FAM174B: variants seen among roughly 807,000 people sequenced by gnomAD.
FAM174B encodes family with sequence similarity 174 member B.
Under a neutral mutation model 10.9 loss-of-function variants are expected in FAM174B, and 12 were observed. The ratio of observed to expected loss-of-function variants is 1.10; its 90% CI spans 0.71 to 1.79. The LOEUF (loss-of-function observed/expected upper bound fraction) is 1.79, where lower values mean the gene tolerates loss of function less well. Ranked by LOEUF, FAM174B falls within the 40% of genes most tolerant of loss-of-function variation. The pLI is 0.00. For missense variants in FAM174B, 266 were observed against 233.3 expected, an observed-to-expected ratio of 1.14 and a Z score of -0.91; for synonymous variants, 132 against 115.8, an observed-to-expected ratio of 1.14 and a Z score of -0.90.
intron 2 of FAM174B, chr15:92,627,458 G>A (rs1035330500): frequency 6.1e-6 from 1 of 163,190 alleles, no homozygotes; most frequent in East Asian, 1.9e-4. Flanking sequence ...CATCATACCA[G>A]ACACAATGTC....
At chr15:92,619,589 C>T (rs1269188157) in intron 2 of FAM174B, 130 bp from the exon 3 acceptor site, 1 of 1,053,836 alleles carries the variant, frequency 9.5e-7, no homozygotes. Flanking sequence ...GCCACAGGAC[C>T]TTTGAGCGTG....
chr15:92,631,376 ATATATTATATATTATATAT>A (rs2050812112), intron 1 of FAM174B, among the ~76,000 whole-genome samples: 3 of 26,676 alleles, frequency 1.1e-4, no homozygotes, highest in East Asian at 1.2e-3. Context: ...ATTATATATA[ATATATTATATATTATATAT>A]TATATTATAT....
At chr15:92,639,026 T>C (rs1201722015) in intron 1 of FAM174B, 2 of 152,276 alleles carry the variant, frequency 1.3e-5, no homozygotes, top group Non-Finnish European at 2.9e-5. Flanking sequence ...GGGCTCCCAT[T>C]ATCAAGGCAA....
At chr15:92,620,291 G>C (rs1406518098) in intron 2 of FAM174B, among the ~76,000 whole-genome samples, 1 of 152,230 alleles carries the variant, frequency 6.6e-6, no homozygotes, top group African/African-American at 2.4e-5. Context: ...AAGGTCAGGA[G>C]ATCGCGACCA....
intron 2 of FAM174B, among the ~76,000 whole-genome samples, chr15:92,624,221 C>A (rs2050738606): frequency 6.6e-6 from 1 of 152,216 alleles, no homozygotes; most frequent in Non-Finnish European, 1.5e-5. Context: ...CTGGGGATGG[C>A]TTCTGATGCT....
chr15:92,623,518 T>C (rs907955607), intron 2 of FAM174B, among the ~76,000 whole-genome samples: 1 of 152,194 alleles, frequency 6.6e-6, no homozygotes, highest in Admixed American at 6.5e-5. Context: ...GACACTGGGT[T>C]ACAACCATCC....
At chr15:92,633,870 A>T (rs1292968671) in intron 1 of FAM174B, among the ~76,000 whole-genome samples, 3 of 152,112 alleles carry the variant, frequency 2.0e-5, no homozygotes, top group South Asian at 2.1e-4. Context: ...ACCCCAGACC[A>T]ATTCCATCTC....
At chr15:92,619,666 T>G in intron 2 of FAM174B, 1 of 610,084 alleles carries the variant, frequency 1.6e-6, no homozygotes, top group South Asian at 2.1e-5. Context: ...CAACTAAGGA[T>G]CCCTCCCCCA....
At chr15:92,635,582 T>TC (rs1448739606) in intron 1 of FAM174B, among the ~76,000 whole-genome samples, 2 of 144,700 alleles carry the variant, frequency 1.4e-5, no homozygotes, top group African/African-American at 5.0e-5. Context: ...TTTCTTTCTT[T>TC]TTTTTTTTTT....
chr15:92,640,260 A>G (rs1567047920), intron 1 of FAM174B, among the ~76,000 whole-genome samples: 1 of 152,174 alleles, frequency 6.6e-6, no homozygotes, highest in Non-Finnish European at 1.5e-5. Context: ...TCTTAAAGTC[A>G]AGGTAAATAG....
At chr15:92,649,109 GCCTGGT>G (rs2050947801) in intron 1 of FAM174B, among the ~76,000 whole-genome samples, 1 of 152,174 alleles carries the variant, frequency 6.6e-6, no homozygotes, top group Non-Finnish European at 1.5e-5. Context: ...CCCTAGATTT[GCCTGGT>G]GTCTCAAGAA....
At chr15:92,646,673 C>A (rs530570854) in intron 1 of FAM174B, among the ~76,000 whole-genome samples, 2 of 152,352 alleles carry the variant, frequency 1.3e-5, no homozygotes, top group African/African-American at 4.8e-5. Context: ...ACAATCTATT[C>A]TCTCCAAAGC....
chr15:92,640,551 C>CAAAA (rs60865026), intron 1 of FAM174B, among the ~76,000 whole-genome samples: 5 of 67,720 alleles, frequency 7.4e-5, no homozygotes, highest in African/African-American at 2.3e-4. Context: ...GACTCCATCT[C>CAAAA]AAAAAAAAAA....
chr15:92,640,551 C>CAAAAAAAAAAA (rs60865026), intron 1 of FAM174B, among the ~76,000 whole-genome samples: 1 of 67,668 alleles, frequency 1.5e-5, no homozygotes, highest in African/African-American at 5.7e-5. Context: ...GACTCCATCT[C>CAAAAAAAAAAA]AAAAAAAAAA....
chr15:92,631,495 T>TATAA (rs1555421199), intron 1 of FAM174B, among the ~76,000 whole-genome samples: 2 of 100,834 alleles, frequency 2.0e-5, no homozygotes, highest in African/African-American at 3.9e-5. Context: ...TATATATATA[T>TATAA]AATTCTTTTT....
intron 1 of FAM174B, among the ~76,000 whole-genome samples, chr15:92,649,803 TCTCTA>T (rs1309160850): frequency 2.0e-5 from 3 of 152,212 alleles, no homozygotes; most frequent in Non-Finnish European, 4.4e-5. Flanking sequence ...TTCGGCTTGC[TCTCTA>T]CTCTCTTTTT....
intron 1 of FAM174B, among the ~76,000 whole-genome samples, chr15:92,631,367 TTA>T (rs1378595036): frequency 8.3e-5 from 3 of 36,338 alleles, no homozygotes; most frequent in African/African-American, 4.7e-4. Flanking sequence ...ATATATTATA[TTA>T]TATATAATAT....
Position 92,655,576 on chromosome 15 carries a change from T to A in FAM174B, c.84A>T (p.Arg28Ser). Residue 28 changes from arginine (R) to serine (S), a missense_variant, in exon 1 of 3, where the codon AGA becomes AGT. Physicochemically the swap from Arg to Ser is moderately radical, Grantham distance 110. Coordinates refer to ENST00000327355, the MANE Select transcript of FAM174B (RefSeq NM_207446.3). The part of the protein sequence containing the change: ...LLAAPAARAS[R>S]AESVSAPWPE... ...GCCACGGCGCGGAGACGGACTCGGCTCTGCTGGCGCGGGCGGCGGGAGCGG... is the reference window on the plus strand; with the variant it reads ...GCCACGGCGCGGAGACGGACTCGGCACTGCTGGCGCGGGCGGCGGGAGCGG... 1 of 1,321,728 alleles carries A rather than the reference T, an allele frequency of 7.6e-7. No individual in the cohort carries two copies. The highest frequency in any genetic ancestry group is 9.6e-7 in the Non-Finnish European group (1 of 1,037,706). The allele number at this position is 1,321,728 out of a possible 1,614,324, so 81.9% of individuals were successfully genotyped here. A position where few individuals can be genotyped will look rare whatever the true frequency, so the allele number is the denominator to read the frequency against.
At chr15:92,653,993 C>T (rs895339457) in intron 1 of FAM174B, among the ~76,000 whole-genome samples, 3 of 152,196 alleles carry the variant, frequency 2.0e-5, no homozygotes, top group African/African-American at 4.8e-5. Context: ...AAGACAGGAG[C>T]ATTTCAACCC....
Sources: allele counts gnomAD v4.1 joint callset (sites outside exome capture counted in the v4.1 genomes callset), GRCh38; gene constraint gnomAD v4.1.1; transcripts MANE v1.5; gene names NCBI Gene and HGNC (gene_info 2026-07-23, HGNC 2026-07-21).